Variants in STK39 observed in about 807,000 individuals in gnomAD.
The protein encoded by STK39 is STE20/SPS1-related proline-alanine-rich protein kinase.
STK39 carries 20 observed loss-of-function variants against 77.8 expected under a neutral mutation model. That is an observed-to-expected ratio of 0.26 (90% CI 0.18 to 0.37). STK39 has a LOEUF of 0.37. Ranked by LOEUF, STK39 falls within the 10% of genes least tolerant of loss-of-function variation. The probability of loss-of-function intolerance (pLI) is 1.00; values close to 1 mark genes in which losing one functional copy is unlikely to be tolerated. For synonymous variants in STK39, 246 were observed against 234.1 expected, an observed-to-expected ratio of 1.05 and a Z score of -0.47; for missense variants, 479 against 656.5, an observed-to-expected ratio of 0.73 and a Z score of 2.95.
intron 1 of STK39, 31 bp from the exon 2 acceptor site, chr2:168,182,121 C>A: frequency 1.3e-6 from 2 of 1,566,134 alleles, no homozygotes; most frequent in South Asian, 2.2e-5. Context: ...CATCAGCGAT[C>A]AAATGGCACA....
intron 7 of STK39, 24 bp downstream of exon 7, chr2:168,140,265 T>C (rs2278785): frequency 0.32 from 497,695 of 1,551,322 alleles, 86,476 homozygotes; most frequent in East Asian, 0.68. Context: ...TCAACCCCGA[T>C]GTAGTATTTC....
At chr2:168,232,754 T>C (rs1690491207) in intron 1 of STK39, among the ~76,000 whole-genome samples, 1 of 151,860 alleles carries the variant, frequency 6.6e-6, no homozygotes, top group African/African-American at 2.4e-5. Context: ...CTACTAAAAA[T>C]ACAAAAAATT....
chr2:168,212,151 G>C (rs1689906494), intron 1 of STK39, among the ~76,000 whole-genome samples: 1 of 152,186 alleles, frequency 6.6e-6, no homozygotes, highest in Non-Finnish European at 1.5e-5. Context: ...GTAAATTGAA[G>C]ACCTTCCTGT....
chr2:168,076,068 A>T (rs1018502193), intron 10 of STK39, among the ~76,000 whole-genome samples: 1 of 152,228 alleles, frequency 6.6e-6, no homozygotes, highest in Non-Finnish European at 1.5e-5. Context: ...TTGCTTAAAA[A>T]ATTTACTAAG....
At chr2:168,050,975 C>T (rs924936896) in intron 14 of STK39, among the ~76,000 whole-genome samples, 1 of 152,164 alleles carries the variant, frequency 6.6e-6, no homozygotes, top group Admixed American at 6.5e-5. Context: ...TCCAAGAAGT[C>T]TGGTTTCAAC....
chr2:168,058,171 T>C (rs779630847), intron 14 of STK39, among the ~76,000 whole-genome samples: 6 of 152,246 alleles, frequency 3.9e-5, no homozygotes, highest in African/African-American at 1.2e-4. Context: ...TTGAACCCAG[T>C]TGGACCAGGC....
chr2:168,083,545 T>TAAATACTATAAAAAATACTATAAA (rs1461372974), intron 10 of STK39, among the ~76,000 whole-genome samples: 3 of 151,932 alleles, frequency 2.0e-5, no homozygotes, highest in Admixed American at 6.6e-5. Flanking sequence ...TTAAAAGACA[T>TAAATACTATAAAAAATACTATAAA]AAATACTATA....
intron 12 of STK39, among the ~76,000 whole-genome samples, chr2:168,071,767 G>A (rs1455464454): frequency 6.6e-6 from 1 of 151,830 alleles, no homozygotes; most frequent in Non-Finnish European, 1.5e-5. Flanking sequence ...TACTGGGAGA[G>A]GCTGAGGCAG....
At chr2:168,092,105 T>A (rs955677038) in intron 10 of STK39, among the ~76,000 whole-genome samples, 4 of 152,244 alleles carry the variant, frequency 2.6e-5, no homozygotes, top group African/African-American at 9.6e-5. Flanking sequence ...CTTAGAGCCA[T>A]CATATCCACT....
rs534459816 is a variant in STK39, at chr2:168,236,172, T to G, written c.208+11056A>C. The stretch of plus-strand genomic sequence containing the variant: ...CTAACTGGTGTGAGATGGTATCTCA[T>G]TGTGGTTTTCATTTGCATTTCTCTG... On this transcript the variant is annotated intron_variant, in intron 1 of 17. Coordinates refer to ENST00000355999, the MANE Select transcript of STK39 (RefSeq NM_013233.3). Among the ~76,000 whole-genome samples, 675 of 152,274 alleles carry G rather than the reference T, an allele frequency of 4.4e-3. 7 individuals are homozygous for G. Among genetic ancestry groups the G allele is most frequent in the African/African-American group, 0.015 (633 of 41,548 alleles).
intron 10 of STK39, among the ~76,000 whole-genome samples, chr2:168,089,859 T>C (rs901318114): frequency 6.6e-6 from 1 of 152,212 alleles, no homozygotes; most frequent in Non-Finnish European, 1.5e-5. Context: ...GTGATGCACT[T>C]GCCTTGTCCT....
intron 1 of STK39, among the ~76,000 whole-genome samples, chr2:168,243,502 C>T (rs536890576): frequency 2.0e-5 from 3 of 152,108 alleles, no homozygotes; most frequent in South Asian, 2.1e-4. Context: ...AATGACCACC[C>T]GGGACAAAAG....
At chr2:167,957,842 T>C (rs1254875716) in intron 17 of STK39, among the ~76,000 whole-genome samples, 1 of 152,158 alleles carries the variant, frequency 6.6e-6, no homozygotes, top group Non-Finnish European at 1.5e-5. Flanking sequence ...CTTACTAGAG[T>C]AGGTGATAAA....
At chr2:168,025,855 G>A (rs933101284) in intron 14 of STK39, among the ~76,000 whole-genome samples, 1 of 152,202 alleles carries the variant, frequency 6.6e-6, no homozygotes, top group Non-Finnish European at 1.5e-5. Context: ...GCCTTCCTAT[G>A]GCAGTGTCTT....
intron 2 of STK39, among the ~76,000 whole-genome samples, chr2:168,168,315 C>T (rs1346356924): frequency 2.0e-5 from 3 of 152,088 alleles, no homozygotes; most frequent in Admixed American, 1.3e-4. Flanking sequence ...TTCAGTTTCT[C>T]GTTTTAAGTT....
intron 5 of STK39, among the ~76,000 whole-genome samples, chr2:168,150,916 C>T (rs559462077): frequency 6.6e-6 from 1 of 151,944 alleles, no homozygotes. Flanking sequence ...CTTCTGACAC[C>T]CTCACTCCCA....
At chr2:168,165,841 T>G (rs3769380) in intron 3 of STK39, among the ~76,000 whole-genome samples, 3,635 of 152,170 alleles carry the variant, frequency 0.024, 92 homozygotes, top group East Asian at 0.077. Flanking sequence ...TAAAATAGGC[T>G]CTATCATATA....
At chr2:167,957,725 CAGG>C (rs1378893378) in intron 17 of STK39, among the ~76,000 whole-genome samples, 3 of 152,148 alleles carry the variant, frequency 2.0e-5, no homozygotes, top group Non-Finnish European at 4.4e-5. Flanking sequence ...ATGTGAATAT[CAGG>C]AGGTTAAAAT....
intron 1 of STK39, among the ~76,000 whole-genome samples, chr2:168,240,391 C>A: frequency 6.6e-6 from 1 of 152,008 alleles, no homozygotes; most frequent in Non-Finnish European, 1.5e-5. Context: ...CAGCCAGAAA[C>A]AAGAATGGAA....
Sources: gnomAD v4.1 joint callset for allele counts (sites outside exome capture counted in the v4.1 genomes callset) on GRCh38, gnomAD v4.1.1 for gene constraint, MANE v1.5 for transcripts, NCBI Gene and HGNC (gene_info 2026-07-23, HGNC 2026-07-21) for gene names.